The following LGR5 variants were observed in gnomAD, a reference collection of about 807,000 sequenced individuals.
LGR5 encodes the protein leucine rich repeat containing G protein-coupled receptor 5, also known as leucine-rich repeat-containing G protein-coupled receptor 5.
Under a neutral mutation model 76.7 loss-of-function variants are expected in LGR5, and 54 were observed. The ratio of observed to expected loss-of-function variants is 0.70; its 90% CI spans 0.57 to 0.88. The LOEUF (loss-of-function observed/expected upper bound fraction) is 0.88, where lower values mean the gene tolerates loss of function less well. LGR5 is among the 40% of genes least tolerant of loss of function. The pLI is 0.00. For synonymous variants in LGR5, 406 were observed against 421.9 expected (o/e 0.96, Z 0.46); for missense variants, 1,078 against 1,073.3 (o/e 1.00, Z -0.06).
Position 71,483,235 on chromosome 12 carries a change from G to A in LGR5, c.213-21379G>A, listed in dbSNP as rs560541025. Among the ~76,000 whole-genome samples, 5 of 152,288 alleles carry A rather than the reference G, an allele frequency of 3.3e-5. 1 individual carries two copies. Among genetic ancestry groups the A allele is most frequent in the Admixed American group, 1.3e-4 (2 of 15,284 alleles). On this transcript the variant is annotated intron_variant, in intron 1 of 17. Transcript: ENST00000266674. ...ATTGCGTGTCTACTCCCAGAAAAGT[G>A]GGAAACTCAGGATTCCAACTGGAGT...
intron 16 of LGR5, 158 bp from the exon 17 acceptor site, chr12:71,582,298 C>T (rs1879125536): frequency 3.3e-6 from 2 of 605,626 alleles, no homozygotes; most frequent in South Asian, 2.0e-5. Flanking sequence ...TTGAGTCAAA[C>T]ATCCAAAGGC....
At chr12:71,583,522 G>A in intron 17 of LGR5, 125 bp from the exon 18 acceptor site, 1 of 1,080,794 alleles carries the variant, frequency 9.3e-7, no homozygotes, top group Non-Finnish European at 1.4e-6. Context: ...CATGGGCACT[G>A]TGTGTTATTA....
rs1384427141 is a variant in LGR5, at chr12:71,585,166, T to G, written c.*432T>G. ...GAATTAGGAAAATAAGGGTTTTCAA[T>G]GACCTACATTGCTAGGTAGAGGCTG... On this transcript the variant is annotated 3_prime_UTR_variant, in exon 18 of 18. Transcript: ENST00000266674. 1.2e-5 allele frequency: 2 copies of G among 163,654 alleles called. No homozygotes were observed. Among genetic ancestry groups the G allele is most frequent in the East Asian group, 3.5e-4 (2 of 5,748 alleles). 10.1% of individuals were successfully genotyped at this position (163,654 alleles called of 1,614,324 possible).
chr12:71,525,406 CTT>C (rs58322918), intron 3 of LGR5, among the ~76,000 whole-genome samples: 2 of 145,208 alleles, frequency 1.4e-5, no homozygotes. Flanking sequence ...TCTTTTCTTT[CTT>C]TTTTTTTTTG....
intron 1 of LGR5, among the ~76,000 whole-genome samples, chr12:71,473,032 T>C (rs772711486): frequency 1.6e-4 from 24 of 152,242 alleles, no homozygotes; most frequent in African/African-American, 3.9e-4. Context: ...AATAGAGTGA[T>C]AGAAGCTTCA....
At chr12:71,577,013 G>A (rs1419981432) in intron 13 of LGR5, among the ~76,000 whole-genome samples, 2 of 152,132 alleles carry the variant, frequency 1.3e-5, no homozygotes, top group Admixed American at 1.3e-4. Context: ...CAGGAAAGGA[G>A]GACAGGTCCC....
At chr12:71,469,481 A>C (rs990143627) in intron 1 of LGR5, among the ~76,000 whole-genome samples, 4 of 152,208 alleles carry the variant, frequency 2.6e-5, no homozygotes, top group African/African-American at 4.8e-5. Flanking sequence ...GGGAGTGGGA[A>C]TCAGTGCGGT....
intron 4 of LGR5, among the ~76,000 whole-genome samples, chr12:71,552,694 A>G (rs149546449): frequency 0.018 from 2,782 of 152,272 alleles, 41 homozygotes; most frequent in Middle Eastern, 0.027. Context: ...GAAAGCAAAA[A>G]CATTCCTTTG....
chr12:71,483,820 C>T (rs370767714), intron 1 of LGR5, among the ~76,000 whole-genome samples: 1 of 151,948 alleles, frequency 6.6e-6, no homozygotes, highest in Non-Finnish European at 1.5e-5. Flanking sequence ...TAAATAACAT[C>T]AGTTATGACT....
intron 2 of LGR5, among the ~76,000 whole-genome samples, chr12:71,519,310 G>A (rs1362447573): frequency 6.6e-6 from 1 of 152,098 alleles, no homozygotes; most frequent in Admixed American, 6.5e-5. Flanking sequence ...TGAAATAATA[G>A]CACGTCACCG....
chr12:71,561,863 A>C lies in LGR5; in HGVS notation c.857+11A>C, dbSNP rs377172068. On this transcript the variant is annotated intron_variant, in intron 8 of 17. Transcript: ENST00000266674. ...TTCTCTTATTACAATGTAAGTGACC[A>C]TAATGCTTTTCGGTTTCTCCATCCT... 2.4e-5 allele frequency: 37 copies of C among 1,534,642 alleles called. No individual in the cohort carries two copies. The highest frequency in any genetic ancestry group is 3.3e-5 in the Non-Finnish European group (37 of 1,113,952).
intron 2 of LGR5, among the ~76,000 whole-genome samples, chr12:71,509,855 T>C (rs1367209722): frequency 6.6e-6 from 1 of 152,220 alleles, no homozygotes; most frequent in Admixed American, 6.5e-5. Context: ...AAGTTACTAT[T>C]GTTCCCTGGA....
intron 4 of LGR5, among the ~76,000 whole-genome samples, chr12:71,546,328 A>G (rs1424609177): frequency 6.6e-6 from 1 of 150,828 alleles, no homozygotes; most frequent in African/African-American, 2.4e-5. Context: ...ATATATATAT[A>G]TATATATTAA....
chr12:71,532,046 G>C (rs1876343852), intron 3 of LGR5, among the ~76,000 whole-genome samples: 1 of 152,146 alleles, frequency 6.6e-6, no homozygotes, highest in African/African-American at 2.4e-5. Context: ...GAGTTCCACT[G>C]TTTGGTTAGT....
intron 1 of LGR5, among the ~76,000 whole-genome samples, chr12:71,451,694 A>G (rs756194082): frequency 6.6e-6 from 1 of 152,196 alleles, no homozygotes; most frequent in Non-Finnish European, 1.5e-5. Flanking sequence ...CTACTGGACT[A>G]TATACCCCTT....
intron 1 of LGR5, among the ~76,000 whole-genome samples, chr12:71,467,088 A>G (rs1592464848): frequency 1.3e-5 from 2 of 152,224 alleles, no homozygotes; most frequent in Middle Eastern, 6.8e-3. Context: ...TCCTGACATC[A>G]AACCGGTGGG....
chr12:71,550,238 C>T (rs1484835427), intron 4 of LGR5, among the ~76,000 whole-genome samples: 1 of 151,560 alleles, frequency 6.6e-6, no homozygotes, highest in African/African-American at 2.4e-5. Flanking sequence ...GCAACCTCCA[C>T]CTCCTGGGTT....
intron 13 of LGR5, among the ~76,000 whole-genome samples, chr12:71,575,959 G>A (rs566322891): frequency 3.9e-5 from 6 of 152,168 alleles, no homozygotes; most frequent in Non-Finnish European, 7.4e-5. Context: ...GGAGCTGGAA[G>A]CCATTATTCT....
chr12:71,444,527 A>C (rs1297367351), intron 1 of LGR5, among the ~76,000 whole-genome samples: 1 of 152,154 alleles, frequency 6.6e-6, no homozygotes, highest in Non-Finnish European at 1.5e-5. Context: ...TGTGACAAGA[A>C]TGAATTTTTA....
Sources: gnomAD v4.1 joint callset for allele counts (sites outside exome capture counted in the v4.1 genomes callset) on GRCh38, gnomAD v4.1.1 for gene constraint, MANE v1.5 for transcripts, NCBI Gene and HGNC (gene_info 2026-07-23, HGNC 2026-07-21) for gene names.